The following ARSB variants were observed in gnomAD, a reference collection of about 807,000 sequenced individuals.
ARSB encodes N-acetylgalactosamine-4-sulfatase.
Under a neutral mutation model 50.9 loss-of-function variants are expected in ARSB, and 41 were observed. The observed-to-expected ratio is 0.81, with a 90% CI of 0.63 to 1.04. The LOEUF is 1.04. Ranked by LOEUF, ARSB falls within the 50% of genes least tolerant of loss-of-function variation. ARSB has a pLI of 0.00. For missense variants in ARSB, 672 were observed against 693.3 expected (o/e 0.97, Z 0.35); for synonymous variants, 269 against 284.8 (o/e 0.94, Z 0.56).
chr5:78,976,379 C>T (rs568110981), intron 1 of ARSB, among the ~76,000 whole-genome samples: 1 of 149,866 alleles, frequency 6.7e-6, no homozygotes, highest in East Asian at 2.0e-4. Context: ...CTCTGCCTCC[C>T]CAGGCTCAAG....
rs1191285345 is a variant in ARSB, at chr5:78,869,172, A to G, written c.1142+16412T>C. Reference sequence around the variant, plus strand: ...ACCCAGATTCATAAAGCAAGTCCTGAGTGACCTACAAAGAGACTTAGACTC... The same window carrying G: ...ACCCAGATTCATAAAGCAAGTCCTGGGTGACCTACAAAGAGACTTAGACTC... On this transcript the variant is annotated intron_variant, in intron 5 of 7. Coordinates refer to ENST00000264914, the MANE Select transcript of ARSB (RefSeq NM_000046.5). Among the ~76,000 whole-genome samples, 16 of 134,522 alleles carry G rather than the reference A, an allele frequency of 1.2e-4. No individual in the cohort carries two copies. In the East Asian group the frequency reaches 3.0e-3, roughly 25 times the overall value. 88.3% of individuals were successfully genotyped at this position (134,522 alleles called of 152,430 possible). A position where few individuals can be genotyped will look rare whatever the true frequency, so the allele number is the denominator to read the frequency against.
chr5:78,983,748 T>A lies in ARSB; in HGVS notation c.312+1189A>T, dbSNP rs559574050. Among the ~76,000 whole-genome samples the A allele has an allele frequency of 4.6e-5, 7 of 152,322 alleles. 1 individual carries two copies. The highest frequency in any genetic ancestry group is 1.7e-4 in the African/African-American group (7 of 41,576). On this transcript the variant is annotated intron_variant, in intron 1 of 7. Coordinates refer to ENST00000264914, the MANE Select transcript of ARSB (RefSeq NM_000046.5). ...CTCTTTATAAAAGCCTTCAGACCAC[T>A]GCGCATATCTTTATCACAAGTAAGC...
chr5:78,887,377 T>C (rs913115071), intron 4 of ARSB, among the ~76,000 whole-genome samples: 6 of 152,154 alleles, frequency 3.9e-5, no homozygotes, highest in African/African-American at 1.2e-4. Context: ...AACTCGATCC[T>C]GGGAGACAGC....
At chr5:78,868,834 G>C (rs1191513617) in intron 5 of ARSB, among the ~76,000 whole-genome samples, 1 of 147,450 alleles carries the variant, frequency 6.8e-6, no homozygotes. Flanking sequence ...AATGTAAATG[G>C]ACTAAATGCT....
chr5:78,930,233 C>G (rs1027161238), intron 4 of ARSB, among the ~76,000 whole-genome samples: 4 of 152,176 alleles, frequency 2.6e-5, no homozygotes, highest in African/African-American at 9.7e-5. Context: ...TTCCCCACCT[C>G]TATTTCTTTT....
chr5:78,791,755 T>C (rs1749241237), intron 6 of ARSB, among the ~76,000 whole-genome samples: 1 of 152,232 alleles, frequency 6.6e-6, no homozygotes, highest in Non-Finnish European at 1.5e-5. Flanking sequence ...GACCTAAAAA[T>C]AGTTTCTTCC....
chr5:78,822,570 ATC>A (rs769375893), intron 6 of ARSB, among the ~76,000 whole-genome samples: 1 of 152,130 alleles, frequency 6.6e-6, no homozygotes, highest in Non-Finnish European at 1.5e-5. Context: ...ATTATACATA[ATC>A]TCACCCTCTA....
At chr5:78,931,079 G>A (rs879469525) in intron 4 of ARSB, among the ~76,000 whole-genome samples, 3 of 152,214 alleles carry the variant, frequency 2.0e-5, no homozygotes, top group Admixed American at 1.3e-4. Flanking sequence ...AGGCTAGCCC[G>A]GGAAATCTCT....
chr5:78,877,916 CA>C (rs1389172036), intron 5 of ARSB, among the ~76,000 whole-genome samples: 1 of 152,072 alleles, frequency 6.6e-6, no homozygotes, highest in Non-Finnish European at 1.5e-5. Flanking sequence ...TAAGTAGTTA[CA>C]GGGAGGATAT....
intron 6 of ARSB, among the ~76,000 whole-genome samples, chr5:78,819,961 T>A (rs1042099081): frequency 2.6e-5 from 4 of 152,254 alleles, no homozygotes; most frequent in Admixed American, 2.6e-4. Context: ...CCCAAGGTGA[T>A]GGCATTAAGA....
intron 6 of ARSB, among the ~76,000 whole-genome samples, chr5:78,804,741 G>T (rs923949129): frequency 7.2e-5 from 11 of 152,166 alleles, no homozygotes; most frequent in African/African-American, 2.4e-4. Flanking sequence ...TCCCCAGTAT[G>T]GTTGGCTGCA....
intron 4 of ARSB, among the ~76,000 whole-genome samples, chr5:78,935,564 T>C (rs1750538608): frequency 1.3e-5 from 2 of 152,002 alleles, no homozygotes; most frequent in African/African-American, 4.8e-5. Context: ...TAGTAGCAAA[T>C]AGCCTGATGA....
intron 5 of ARSB, among the ~76,000 whole-genome samples, chr5:78,864,449 C>T (rs1173853099): frequency 6.6e-6 from 1 of 152,112 alleles, no homozygotes; most frequent in Non-Finnish European, 1.5e-5. Flanking sequence ...AGGAAACTGC[C>T]CCCATGATTC....
At chr5:78,959,292 T>C (rs376889880) in intron 3 of ARSB, among the ~76,000 whole-genome samples, 17 of 152,038 alleles carry the variant, frequency 1.1e-4, no homozygotes, top group Admixed American at 3.3e-4. Context: ...CATGTGGAAC[T>C]GAGTCAATTA....
At chr5:78,834,409 A>G (rs1015935777) in intron 6 of ARSB, among the ~76,000 whole-genome samples, 2 of 151,304 alleles carry the variant, frequency 1.3e-5, no homozygotes. Context: ...TCCCCTCCCC[A>G]CAACCTCAGG....
At chr5:78,797,033 A>G (rs1743210442) in intron 6 of ARSB, among the ~76,000 whole-genome samples, 1 of 151,520 alleles carries the variant, frequency 6.6e-6, no homozygotes, top group Admixed American at 6.6e-5. Flanking sequence ...GCCCGCCACT[A>G]TGCCTGGCTA....
intron 4 of ARSB, among the ~76,000 whole-genome samples, chr5:78,891,832 T>C (rs2112236071): frequency 6.7e-6 from 1 of 149,578 alleles, no homozygotes; most frequent in East Asian, 1.9e-4. Context: ...GATGACTAGG[T>C]ATAAACAAAA....
chr5:78,905,694 G>A (rs541682304), intron 4 of ARSB, among the ~76,000 whole-genome samples: 1 of 152,124 alleles, frequency 6.6e-6, no homozygotes, highest in Admixed American at 6.5e-5. Flanking sequence ...TATGCACTTG[G>A]AGGTGAGCCT....
rs995923126 is a variant in ARSB at position 78,985,276 on chromosome 5, G to A, written c.-28C>T. 6.0e-5 allele frequency: 77 copies of A among 1,291,784 alleles called. No homozygotes were observed. Among genetic ancestry groups the A allele is most frequent in the Non-Finnish European group, 7.0e-5 (72 of 1,024,478 alleles). The allele number at this position is 1,291,784 out of a possible 1,614,324, so 80.0% of individuals were successfully genotyped here. On this transcript the variant is annotated 5_prime_UTR_variant, in exon 1 of 8. Coordinates refer to ENST00000264914, the MANE Select transcript of ARSB (RefSeq NM_000046.5). ...TTGTCCGCCCGCGGTCCCAGCGCCT[G>A]TGGCGCCACCAGCCCCTTGTACCGC...
Sources: gnomAD v4.1 joint callset for allele counts (sites outside exome capture counted in the v4.1 genomes callset) on GRCh38, gnomAD v4.1.1 for gene constraint, MANE v1.5 for transcripts, NCBI Gene and HGNC (gene_info 2026-07-23, HGNC 2026-07-21) for gene names.